Variants in DPP6 observed in about 807,000 individuals in gnomAD.
DPP6 encodes the protein dipeptidyl peptidase like 6.
In DPP6, 69 loss-of-function variants were observed where a neutral mutation model predicts 122.6. The observed-to-expected ratio is 0.56, with a 90% confidence interval of 0.46 to 0.69. The LOEUF is 0.69. DPP6 is among the 30% of genes least tolerant of loss of function. The probability of loss-of-function intolerance (pLI) is 0.00; values close to 1 mark genes in which losing one functional copy is unlikely to be tolerated. For synonymous variants in DPP6, 418 were observed against 433.1 expected, an observed-to-expected ratio of 0.97 and a Z score of 0.43; for missense variants, 928 against 1,116.9, an observed-to-expected ratio of 0.83 and a Z score of 2.41.
rs1480627933 is a variant in DPP6 at position 154,871,100 on chromosome 7, CAA to C, written c.1814-1523_1814-1522del. 3.3e-5 allele frequency among the ~76,000 whole-genome samples: 5 copies of C among 152,306 alleles called. No individual in the cohort carries two copies. The East Asian group carries it at 9.7e-4, about 29-fold the overall frequency. On this transcript the variant is annotated intron_variant, in intron 18 of 25. Coordinates refer to ENST00000377770, the MANE Select transcript of DPP6 (RefSeq NM_130797.4). ...CTTGGCGGCCAGACTGTCACCCTGG[CAA>C]GATCCCTTTCTGAGCTCCTTAGGCC...
chr7:154,727,216 G>T (rs1228704990), intron 7 of DPP6, among the ~76,000 whole-genome samples: 1 of 152,220 alleles, frequency 6.6e-6, no homozygotes, highest in Non-Finnish European at 1.5e-5. Flanking sequence ...AGAAAGCATG[G>T]TTGGGGAGGC....
rs377745209 is a variant in DPP6, at chr7:154,777,247, G to GC, written c.1136+4307dup. ...GAGTCTGCATGGAAGTGTGGAAGGA[G>GC]CCACACCTAGGAGCAGAGGTGCCCC... On this transcript the variant is annotated intron_variant, in intron 10 of 25. Transcript: ENST00000377770. Among the ~76,000 whole-genome samples, 207 of 152,312 alleles carry GC rather than the reference G, an allele frequency of 1.4e-3. 1 individual carries two copies. The highest frequency in any genetic ancestry group is 4.6e-3 in the African/African-American group (193 of 41,570).
At chr7:154,883,126 CAT>C (rs932159317) in intron 21 of DPP6, among the ~76,000 whole-genome samples, 3 of 151,122 alleles carry the variant, frequency 2.0e-5, no homozygotes, top group Non-Finnish European at 4.4e-5. Flanking sequence ...TGTGCTCACA[CAT>C]ACACACACAT....
intron 1 of DPP6, among the ~76,000 whole-genome samples, chr7:154,183,319 T>C (rs1374385421): frequency 6.6e-6 from 1 of 152,128 alleles, no homozygotes; most frequent in Admixed American, 6.5e-5. Flanking sequence ...TAAGTGACAA[T>C]CAGAACTTCT....
intron 1 of DPP6, among the ~76,000 whole-genome samples, chr7:154,297,129 AT>A (rs11408704): frequency 7.6e-5 from 11 of 144,072 alleles, no homozygotes; most frequent in African/African-American, 1.7e-4. Flanking sequence ...ATATCAGAAG[AT>A]TTTTTTTTTA....
intron 5 of DPP6, among the ~76,000 whole-genome samples, chr7:154,572,683 A>ATT (rs34011988): frequency 0.36 from 46,615 of 130,502 alleles, 8,975 homozygotes; most frequent in East Asian, 0.77. Flanking sequence ...CACATGGCTA[A>ATT]TTTTTTTTTT....
chr7:154,425,604 A>ATG (rs56126099), intron 1 of DPP6, among the ~76,000 whole-genome samples: 3 of 128,234 alleles, frequency 2.3e-5, no homozygotes, highest in Admixed American at 7.4e-5. Context: ...GGGGAAAAAA[A>ATG]TGTGTGTGTG....
chr7:154,475,653 G>A (rs1197718449), intron 3 of DPP6: 2 of 153,758 alleles, frequency 1.3e-5, no homozygotes, highest in Non-Finnish European at 2.9e-5. Flanking sequence ...CACAATGCCT[G>A]TGTTGGTTCA....
the DPP6 span, among the ~76,000 whole-genome samples, chr7:153,852,001 T>C: frequency 6.6e-6 from 1 of 152,230 alleles, no homozygotes; most frequent in Admixed American, 6.5e-5. Flanking sequence ...CTCCCTCCCA[T>C]CTCTCTGTGA....
At chr7:154,872,356 G>A (rs1161894706) in intron 18 of DPP6, among the ~76,000 whole-genome samples, 4 of 152,186 alleles carry the variant, frequency 2.6e-5, no homozygotes, top group Non-Finnish European at 5.9e-5. Context: ...CCGGGCCATC[G>A]AGTCTTCCGT....
chr7:153,909,653 G>T (rs1293024985), intron 1 of DPP6, among the ~76,000 whole-genome samples: 1 of 152,080 alleles, frequency 6.6e-6, no homozygotes, highest in African/African-American at 2.4e-5. Flanking sequence ...TATATTCAGT[G>T]GTCAGTTCCC....
At chr7:154,320,117 T>C (rs1349557492) in intron 1 of DPP6, among the ~76,000 whole-genome samples, 1 of 152,012 alleles carries the variant, frequency 6.6e-6, no homozygotes, top group African/African-American at 2.4e-5. Flanking sequence ...TTTTACCATG[T>C]ATTTTATTTA....
intron 6 of DPP6, among the ~76,000 whole-genome samples, chr7:154,659,866 T>C (rs1837502613): frequency 6.6e-6 from 1 of 152,230 alleles, no homozygotes; most frequent in East Asian, 1.9e-4. Context: ...CTTTGGACTA[T>C]GGTAGAGTTT....
chr7:154,022,548 T>A (rs927044999), intron 1 of DPP6, among the ~76,000 whole-genome samples: 1 of 152,200 alleles, frequency 6.6e-6, no homozygotes, highest in African/African-American at 2.4e-5. Flanking sequence ...AATATGTGAT[T>A]GAAAGATGCA....
intron 3 of DPP6, among the ~76,000 whole-genome samples, chr7:154,528,893 T>C (rs1394570837): frequency 6.6e-6 from 1 of 152,094 alleles, no homozygotes; most frequent in Non-Finnish European, 1.5e-5. Context: ...GTGCAGAGGA[T>C]TGGGAGACAT....
chr7:154,746,738 T>C (rs1289504474), intron 8 of DPP6, among the ~76,000 whole-genome samples: 1 of 152,138 alleles, frequency 6.6e-6, no homozygotes, highest in Non-Finnish European at 1.5e-5. Context: ...CTTTTCACTA[T>C]AAAAAGAAGC....
Position 154,290,379 on chromosome 7 carries a change from C to T in DPP6, c.244-155835C>T, listed in dbSNP as rs562033975. On this transcript the variant is annotated intron_variant, in intron 1 of 25. Coordinates refer to ENST00000377770, the MANE Select transcript of DPP6 (RefSeq NM_130797.4). ...TATCTCGGCCCCAGTCCATCTTCTACGCTCTGAAAAAATACCTTTGGTTTT... is the reference window on the plus strand; with the variant it reads ...TATCTCGGCCCCAGTCCATCTTCTATGCTCTGAAAAAATACCTTTGGTTTT... Among the ~76,000 whole-genome samples, 6 of 152,236 alleles carry T rather than the reference C, an allele frequency of 3.9e-5. No individual in the cohort carries two copies. The South Asian group carries it at 6.2e-4, about 16-fold the overall frequency.
chr7:154,055,118 C>A (rs1585241079), intron 1 of DPP6, among the ~76,000 whole-genome samples: 1 of 140,552 alleles, frequency 7.1e-6, no homozygotes, highest in African/African-American at 2.7e-5. Flanking sequence ...GGAAAATACA[C>A]AATGTGTGTG....
intron 1 of DPP6, among the ~76,000 whole-genome samples, chr7:154,063,092 C>T (rs1305765712): frequency 7.5e-6 from 1 of 133,322 alleles, no homozygotes; most frequent in South Asian, 2.8e-4. Flanking sequence ...TCTTCCGCCC[C>T]TGGCTGTTAG....
Sources: gnomAD v4.1 joint callset for allele counts (sites outside exome capture counted in the v4.1 genomes callset) on GRCh38, gnomAD v4.1.1 for gene constraint, MANE v1.5 for transcripts, NCBI Gene and HGNC (gene_info 2026-07-23, HGNC 2026-07-21) for gene names.